The following OSBPL8 variants were observed in gnomAD, a reference collection of about 807,000 sequenced individuals.
OSBPL8 encodes the protein oxysterol binding protein like 8, also known as oxysterol-binding protein-related protein 8.
A neutral mutation model predicts 125.5 loss-of-function variants in OSBPL8; 59 were observed. The observed-to-expected ratio is 0.47, with a 90% CI of 0.38 to 0.58. OSBPL8 has a LOEUF of 0.58. OSBPL8 is among the 20% of genes least tolerant of loss of function. The pLI is 0.00. For synonymous variants in OSBPL8, 330 were observed against 338.9 expected (o/e 0.97, Z 0.29); for missense variants, 758 against 1,047.8 (o/e 0.72, Z 3.82).
Position 76,356,728 on chromosome 12 carries a change from G to A in OSBPL8, c.2435C>T (p.Ala812Val). The A allele has an allele frequency of 1.3e-6, 2 of 1,569,714 alleles. No individual in the cohort carries two copies. The highest frequency in any genetic ancestry group is 1.7e-6 in the Non-Finnish European group (2 of 1,145,182). Residue 812 changes from alanine to valine, a missense_variant and splice_region_variant, in exon 23 of 24, where the codon GCT becomes GTT. Physicochemically the swap from Ala to Val is moderately conservative, Grantham distance 64. This residue lies in a region of OSBPL8 where 572 missense variants were observed against 762.0 expected (regional missense o/e 0.75). Transcript: ENST00000261183. ...PDIQDSSGSE[A>V]QSVKPSTRRK... ...TCTTGTACTTGGTTTTACTGATTGA[G>A]CTAAAAAGACATTTAGAATGAAGTT...
intron 1 of OSBPL8, among the ~76,000 whole-genome samples, chr12:76,546,148 T>A (rs1238119546): frequency 1.3e-5 from 2 of 152,198 alleles, no homozygotes; most frequent in African/African-American, 4.8e-5. Flanking sequence ...ATTCCCTGCT[T>A]ATAGCAAGAA....
chr12:76,540,119 A>C (rs1592883247), intron 1 of OSBPL8, among the ~76,000 whole-genome samples: 1 of 152,182 alleles, frequency 6.6e-6, no homozygotes, highest in East Asian at 1.9e-4. Context: ...GTTCACAGCT[A>C]GATTGAGATC....
In OSBPL8 at chr12:76,375,350, T is replaced by C. The variant is rs1339331281; in HGVS notation, c.1750A>G (p.Thr584Ala). 1.9e-6 allele frequency: 3 copies of C among 1,611,700 alleles called. No individual in the cohort carries two copies. The highest frequency in any genetic ancestry group is 2.5e-6 in the Non-Finnish European group (3 of 1,178,734). Reference protein sequence around the residue: ...HCKGILYGTMTLELGGTVNIT... With the variant: ...HCKGILYGTMALELGGTVNIT... ...TTGACTGTTCCACCAAGCTCCAGTGTCATTGTACCATAAAGAATTCCTAAA... is the reference window on the plus strand; with the variant it reads ...TTGACTGTTCCACCAAGCTCCAGTGCCATTGTACCATAAAGAATTCCTAAA... Residue 584 changes from threonine (T) to alanine (A), a missense_variant, in exon 17 of 24, where the codon ACA (threonine) becomes GCA (alanine). By Grantham distance (58) the Thr-to-Ala change is moderately conservative. Around this residue, in one of 3 missense-constraint regions of OSBPL8, gnomAD observed 572 missense variants for 762.0 expected, o/e 0.75. Coordinates refer to ENST00000261183, the MANE Select transcript of OSBPL8 (RefSeq NM_020841.5).
Position 76,392,562 on chromosome 12 carries a change from A to C in OSBPL8, c.929+19T>G. 6.3e-7 allele frequency: 1 copy of C among 1,589,764 alleles called. No individual in the cohort carries two copies. The highest frequency in any genetic ancestry group is 1.3e-5 in the African/African-American group (1 of 74,630). ...ATGGTCTCTGAAACATTACCAACTC[A>C]GCGGCAGTATCTACTTACTGGAAGT... On this transcript the variant is annotated intron_variant, in intron 10 of 23. Coordinates refer to ENST00000261183, the MANE Select transcript of OSBPL8 (RefSeq NM_020841.5).
chr12:76,394,348 T>A (rs926605132), intron 9 of OSBPL8, among the ~76,000 whole-genome samples: 1 of 152,002 alleles, frequency 6.6e-6, no homozygotes, highest in Non-Finnish European at 1.5e-5. Context: ...ATTAAATATA[T>A]CTTTAAGAGT....
intron 2 of OSBPL8, among the ~76,000 whole-genome samples, chr12:76,486,375 C>T (rs1878133267): frequency 6.6e-6 from 1 of 152,108 alleles, no homozygotes; most frequent in Non-Finnish European, 1.5e-5. Context: ...TACCTTATTC[C>T]AACAATGTAA....
chr12:76,544,141 A>C (rs1052260811), intron 1 of OSBPL8, among the ~76,000 whole-genome samples: 1 of 152,186 alleles, frequency 6.6e-6, no homozygotes, highest in African/African-American at 2.4e-5. Context: ...GACTAGTTTC[A>C]AGTTGCCATC....
At chr12:76,386,762 T>C (rs1032467707) in intron 12 of OSBPL8, 102 bp from the exon 13 acceptor site, 1 of 725,608 alleles carries the variant, frequency 1.4e-6, no homozygotes, top group Non-Finnish European at 2.3e-6. Context: ...TTGGAAAACA[T>C]AATTCTTATT....
At chr12:76,509,022 A>G (rs1880712842) in intron 1 of OSBPL8, among the ~76,000 whole-genome samples, 1 of 152,126 alleles carries the variant, frequency 6.6e-6, no homozygotes, top group Non-Finnish European at 1.5e-5. Flanking sequence ...TTCACCTCAA[A>G]TTCTTTCTTG....
intron 9 of OSBPL8, among the ~76,000 whole-genome samples, chr12:76,393,784 G>A (rs1404599793): frequency 1.3e-5 from 2 of 151,648 alleles, no homozygotes; most frequent in Non-Finnish European, 2.9e-5. Context: ...AGCACTTTGG[G>A]AGGCCGAGGC....
intron 2 of OSBPL8, among the ~76,000 whole-genome samples, chr12:76,473,104 ACT>A (rs1484338836): frequency 1.3e-5 from 2 of 151,658 alleles, no homozygotes; most frequent in African/African-American, 4.8e-5. Flanking sequence ...GAAGGCTCAC[ACT>A]CTTGTCTTCT....
At chr12:76,455,753 TA>T (rs1873959460) in intron 3 of OSBPL8, among the ~76,000 whole-genome samples, 1 of 152,218 alleles carries the variant, frequency 6.6e-6, no homozygotes, top group Non-Finnish European at 1.5e-5. Flanking sequence ...ATCAGTTACA[TA>T]ATAGTAGACT....
intron 1 of OSBPL8, among the ~76,000 whole-genome samples, chr12:76,531,904 G>A (rs1008864118): frequency 1.3e-5 from 2 of 151,950 alleles, no homozygotes; most frequent in Admixed American, 6.6e-5. Context: ...AGGCATGGTG[G>A]TGGGCACCTG....
chr12:76,361,547 C>A (rs1053270913), intron 21 of OSBPL8, among the ~76,000 whole-genome samples: 2 of 152,166 alleles, frequency 1.3e-5, no homozygotes, highest in Non-Finnish European at 2.9e-5. Flanking sequence ...GCATCCCACT[C>A]TAATTTACTA....
In OSBPL8 at chr12:76,414,391, A is replaced by G. The variant is rs1868363804; in HGVS notation, c.218-3757T>C. On this transcript the variant is annotated intron_variant, in intron 4 of 23. Coordinates refer to ENST00000261183, the MANE Select transcript of OSBPL8 (RefSeq NM_020841.5). ...TATTTATATATATATTTGGATATAGATATTGATATTGGTACATATATTAAT... is the reference window on the plus strand; with the variant it reads ...TATTTATATATATATTTGGATATAGGTATTGATATTGGTACATATATTAAT... Among the ~76,000 whole-genome samples the G allele has an allele frequency of 2.0e-5, 3 of 150,310 alleles. No homozygotes were observed. The South Asian group carries it at 6.3e-4, about 31-fold the overall frequency.
chr12:76,472,378 A>G (rs1876249799), intron 2 of OSBPL8, among the ~76,000 whole-genome samples: 1 of 152,222 alleles, frequency 6.6e-6, no homozygotes, highest in Admixed American at 6.5e-5. Flanking sequence ...TGTAGGGACC[A>G]GCCCCACAGG....
chr12:76,556,889 C>T (rs1951120447), intron 1 of OSBPL8, among the ~76,000 whole-genome samples: 1 of 152,146 alleles, frequency 6.6e-6, no homozygotes. Flanking sequence ...GGGTCTTGAA[C>T]TTCTGACCTC....
intron 21 of OSBPL8, among the ~76,000 whole-genome samples, chr12:76,365,789 CTTTCT>C (rs757848195): frequency 1.3e-5 from 2 of 152,080 alleles, no homozygotes; most frequent in South Asian, 2.1e-4. Context: ...TTTATGAGGT[CTTTCT>C]TTTGTTTATG....
At position 76,369,268 on chromosome 12, in the gene OSBPL8, T is replaced by C. The variant is rs201756264; in HGVS notation, c.2274A>G (p.Ile758Met). 1.7e-4 allele frequency: 266 copies of C among 1,611,380 alleles called. 1 individual carries two copies. The highest frequency in any genetic ancestry group is 2.1e-4 in the Non-Finnish European group (247 of 1,179,268). ...TRPWDPLNDM[I>M]QFEKDGVIQT... ...GAATAACACCATCTTTTTCAAACTG[T>C]ATCATATCATTAAGTGGGTCCCATG... Residue 758 changes from isoleucine (I) to methionine (M), a missense_variant, in exon 21 of 24, where the codon ATA (isoleucine) becomes ATG (methionine). This residue lies in a region of OSBPL8 where 572 missense variants were observed against 762.0 expected (regional missense o/e 0.75). Coordinates refer to ENST00000261183, the MANE Select transcript of OSBPL8 (RefSeq NM_020841.5).
Sources: allele counts gnomAD v4.1 joint callset (sites outside exome capture counted in the v4.1 genomes callset), GRCh38; gene constraint gnomAD v4.1.1; regional missense constraint gnomAD v4.1.1; transcripts MANE v1.5; gene names NCBI Gene and HGNC (gene_info 2026-07-23, HGNC 2026-07-21).